The following ANTXR1 variants were observed in gnomAD, a reference collection of about 807,000 sequenced individuals.
ANTXR1 encodes anthrax toxin receptor 1.
A neutral mutation model predicts 78.1 loss-of-function variants in ANTXR1; 19 were observed. The ratio of observed to expected loss-of-function variants is 0.24; its 90% confidence interval spans 0.17 to 0.36. ANTXR1 has a LOEUF of 0.36. Among genes scored for constraint, ANTXR1 ranks in the 10% least tolerant of loss-of-function variants. The pLI is 1.00. For synonymous variants in ANTXR1, 273 were observed against 260.5 expected (o/e 1.05, Z -0.46); for missense variants, 518 against 718.6 (o/e 0.72, Z 3.19).
At chr2:69,064,619 A>G (rs1342152708) in intron 3 of ANTXR1, among the ~76,000 whole-genome samples, 1 of 152,246 alleles carries the variant, frequency 6.6e-6, no homozygotes, top group Non-Finnish European at 1.5e-5. Context: ...GACACTTTAA[A>G]TATAAATATG....
intron 17 of ANTXR1, among the ~76,000 whole-genome samples, chr2:69,195,026 G>A (rs1250285696): frequency 6.6e-6 from 1 of 151,672 alleles, no homozygotes; most frequent in East Asian, 1.9e-4. Flanking sequence ...AAATTAGCTG[G>A]GTGTGGTGGT....
At chr2:69,134,343 C>T (rs1017347307) in intron 12 of ANTXR1, among the ~76,000 whole-genome samples, 2 of 152,132 alleles carry the variant, frequency 1.3e-5, no homozygotes, top group African/African-American at 4.8e-5. Context: ...ACCTTTAGAG[C>T]CCTAATTCTA....
intron 17 of ANTXR1, among the ~76,000 whole-genome samples, chr2:69,242,659 A>G (rs1302432651): frequency 2.0e-5 from 3 of 152,216 alleles, no homozygotes; most frequent in Non-Finnish European, 4.4e-5. Context: ...TCTTTCAAGG[A>G]CATGAATCTC....
At chr2:69,234,758 C>T (rs556728405) in intron 17 of ANTXR1, among the ~76,000 whole-genome samples, 181 of 151,964 alleles carry the variant, frequency 1.2e-3, no homozygotes, top group Middle Eastern at 6.8e-3. Context: ...AGCAAAACTC[C>T]GTCTCAAAAA....
intron 12 of ANTXR1, among the ~76,000 whole-genome samples, chr2:69,126,323 G>A (rs1672536949): frequency 6.6e-6 from 1 of 152,190 alleles, no homozygotes; most frequent in South Asian, 2.1e-4. Context: ...TGTCAGAGAA[G>A]TGTTACCACT....
chr2:69,211,893 A>G (rs1362056074), intron 17 of ANTXR1, among the ~76,000 whole-genome samples: 1 of 152,020 alleles, frequency 6.6e-6, no homozygotes, highest in Non-Finnish European at 1.5e-5. Context: ...CCACCTGTGG[A>G]CCTCTGCTCA....
intron 9 of ANTXR1, among the ~76,000 whole-genome samples, chr2:69,097,877 A>G (rs773079551): frequency 1.3e-5 from 2 of 152,262 alleles, no homozygotes; most frequent in African/African-American, 4.8e-5. Context: ...GTTTACCTGT[A>G]GAATGCACTA....
intron 3 of ANTXR1, among the ~76,000 whole-genome samples, chr2:69,049,183 T>C (rs1169259923): frequency 6.6e-6 from 1 of 152,050 alleles, no homozygotes; most frequent in Non-Finnish European, 1.5e-5. Flanking sequence ...TGTCAGTGGG[T>C]TTTCTGTAGA....
intron 11 of ANTXR1, among the ~76,000 whole-genome samples, chr2:69,123,616 ACT>A (rs963854002): frequency 2.0e-5 from 3 of 152,006 alleles, no homozygotes; most frequent in Non-Finnish European, 1.5e-5. Flanking sequence ...TCCTTCCTTG[ACT>A]CTGCGCAGCA....
intron 13 of ANTXR1, among the ~76,000 whole-genome samples, chr2:69,170,024 A>G (rs570108486): frequency 2.0e-5 from 3 of 152,268 alleles, no homozygotes; most frequent in Non-Finnish European, 4.4e-5. Flanking sequence ...CAAAACCAGA[A>G]GAGACGCAAA....
intron 17 of ANTXR1, among the ~76,000 whole-genome samples, chr2:69,229,696 T>C (rs1355920871): frequency 6.6e-6 from 1 of 151,110 alleles, no homozygotes; most frequent in Non-Finnish European, 1.5e-5. Context: ...TCATCCTGGG[T>C]CAGACTTTCA....
intron 3 of ANTXR1, among the ~76,000 whole-genome samples, chr2:69,056,325 C>T (rs1359281798): frequency 6.6e-6 from 1 of 152,194 alleles, no homozygotes; most frequent in Non-Finnish European, 1.5e-5. Context: ...CCTTTACCAC[C>T]AGTGTGGGTG....
At chr2:69,166,797 G>A (rs571531416) in intron 13 of ANTXR1, among the ~76,000 whole-genome samples, 29 of 152,336 alleles carry the variant, frequency 1.9e-4, no homozygotes, top group African/African-American at 7.0e-4. Flanking sequence ...AACCAAGCCT[G>A]AGCTTGGAAG....
intron 1 of ANTXR1, among the ~76,000 whole-genome samples, chr2:69,017,249 A>G (rs1671051505): frequency 6.6e-6 from 1 of 152,176 alleles, no homozygotes; most frequent in Non-Finnish European, 1.5e-5. Flanking sequence ...TCTGTCCTAG[A>G]GAGAACCTCC....
intron 12 of ANTXR1, chr2:69,135,313 T>C (rs937291315): frequency 1.2e-4 from 19 of 161,518 alleles, no homozygotes; most frequent in Non-Finnish European, 2.0e-4. Context: ...AAAAAAAATA[T>C]TTTTCTGAAT....
chr2:69,120,692 A>G (rs1251946612), intron 10 of ANTXR1, among the ~76,000 whole-genome samples: 1 of 152,064 alleles, frequency 6.6e-6, no homozygotes, highest in Non-Finnish European at 1.5e-5. Context: ...TAATAATAAT[A>G]ATGCTCAATT....
intron 17 of ANTXR1, among the ~76,000 whole-genome samples, chr2:69,232,219 TTTAA>T (rs1175110868): frequency 1.3e-5 from 2 of 151,944 alleles, no homozygotes; most frequent in African/African-American, 2.4e-5. Context: ...ATATAGAGGC[TTTAA>T]TTAAATCGAA....
intron 17 of ANTXR1, among the ~76,000 whole-genome samples, chr2:69,204,137 A>G (rs7564412): frequency 0.59 from 89,261 of 152,032 alleles, 26,660 homozygotes; most frequent in East Asian, 0.9. Flanking sequence ...GATGGCACCA[A>G]AAAAGATCAT....
chr2:69,152,067 C>T (rs1673413483), intron 12 of ANTXR1, 102 bp from the exon 13 acceptor site: 3 of 1,177,308 alleles, frequency 2.5e-6, no homozygotes, highest in Non-Finnish European at 3.8e-6. Flanking sequence ...AACTGTGCTG[C>T]TCTCTGAGCC....
Sources: gnomAD v4.1 joint callset for allele counts (sites outside exome capture counted in the v4.1 genomes callset) on GRCh38, gnomAD v4.1.1 for gene constraint, MANE v1.5 for transcripts, NCBI Gene and HGNC (gene_info 2026-07-23, HGNC 2026-07-21) for gene names.